TASP1: variants seen among roughly 807,000 people sequenced by gnomAD.
TASP1 encodes threonine aspartase 1.
In TASP1, 16 loss-of-function variants were observed where a neutral mutation model predicts 56.6. That is an observed-to-expected ratio of 0.28 (90% CI 0.19 to 0.43). The LOEUF (loss-of-function observed/expected upper bound fraction) is 0.43, where lower values mean the gene tolerates loss of function less well. Ranked by LOEUF, TASP1 falls within the 20% of genes least tolerant of loss-of-function variation. The pLI is 1.00. For synonymous variants in TASP1, 179 were observed against 184.2 expected, an observed-to-expected ratio of 0.97 and a Z score of 0.23; for missense variants, 393 against 511.6, an observed-to-expected ratio of 0.77 and a Z score of 2.24.
At chr20:13,412,054 A>G (rs906121623) in intron 13 of TASP1, among the ~76,000 whole-genome samples, 1 of 152,176 alleles carries the variant, frequency 6.6e-6, no homozygotes, top group African/African-American at 2.4e-5. Flanking sequence ...TTCTCTGGCC[A>G]CTGCCATGTA....
the TASP1 span, chr20:13,270,879 T>A: frequency 1.2e-6 from 1 of 806,044 alleles, no homozygotes; most frequent in Non-Finnish European, 2.0e-6. Flanking sequence ...GATCATGTTA[T>A]CTCCATAAGA....
At chr20:13,221,838 T>C in the TASP1 span, 1 of 1,452,376 alleles carries the variant, frequency 6.9e-7, no homozygotes, top group Non-Finnish European at 9.0e-7. Flanking sequence ...ACGCTGCACA[T>C]CACCGTGCTG....
chr20:13,555,949 A>T (rs557460212), intron 8 of TASP1, among the ~76,000 whole-genome samples: 1 of 152,318 alleles, frequency 6.6e-6, no homozygotes, highest in East Asian at 1.9e-4. Context: ...CAGATGGTAC[A>T]CCAAAAGGTA....
At chr20:13,348,368 T>C in the TASP1 span, among the ~76,000 whole-genome samples, 2 of 152,334 alleles carry the variant, frequency 1.3e-5, no homozygotes, top group East Asian at 3.9e-4. Flanking sequence ...TTGGTGACTG[T>C]TGATAAAGAA....
chr20:13,394,630 G>A (rs75749886), intron 13 of TASP1, among the ~76,000 whole-genome samples: 3 of 148,014 alleles, frequency 2.0e-5, no homozygotes, highest in Admixed American at 1.4e-4. Context: ...AAGAAACTTT[G>A]TTTTTTTTTT....
At chr20:13,516,007 T>C (rs774539391) in intron 10 of TASP1, among the ~76,000 whole-genome samples, 27 of 152,240 alleles carry the variant, frequency 1.8e-4, no homozygotes, top group South Asian at 2.1e-4. Flanking sequence ...CCAAACCCTA[T>C]TCCTAGCCAG....
chr20:13,393,244 C>G (rs2041361799), intron 13 of TASP1: 1 of 736,356 alleles, frequency 1.4e-6, no homozygotes, highest in Non-Finnish European at 2.5e-6. Context: ...GTGGATGGCC[C>G]CTCCGGGAAA....
At chr20:13,210,504 G>T in the TASP1 span, among the ~76,000 whole-genome samples, 2 of 152,016 alleles carry the variant, frequency 1.3e-5, no homozygotes, top group African/African-American at 4.8e-5. Flanking sequence ...TTTAATGGCC[G>T]TATGGTTTCA....
the TASP1 span, chr20:13,299,074 T>G: frequency 6.2e-7 from 1 of 1,613,764 alleles, no homozygotes; most frequent in Non-Finnish European, 8.5e-7. The surrounding 1 kb of genome is among the most constrained non-coding windows in gnomAD (Gnocchi z 5.8). Context: ...ACGGCCGACA[T>G]CTTCGACCGC....
At chr20:13,430,815 C>A (rs545197486) in intron 12 of TASP1, among the ~76,000 whole-genome samples, 1 of 152,288 alleles carries the variant, frequency 6.6e-6, no homozygotes, top group South Asian at 2.1e-4. Context: ...TTCTCCGATT[C>A]TATTCATGAA....
At chr20:13,349,239 C>A in the TASP1 span, among the ~76,000 whole-genome samples, 4 of 152,104 alleles carry the variant, frequency 2.6e-5, no homozygotes, top group African/African-American at 9.7e-5. Context: ...CCTCAGGAGG[C>A]CTCCGGACCA....
chr20:13,578,163 G>T (rs567995106), intron 6 of TASP1, among the ~76,000 whole-genome samples: 10 of 151,126 alleles, frequency 6.6e-5, no homozygotes, highest in African/African-American at 1.9e-4. Context: ...CACATTGTTG[G>T]TTTTTGTTAA....
chr20:13,281,434 C>A, the TASP1 span, among the ~76,000 whole-genome samples: 8 of 152,204 alleles, frequency 5.3e-5, no homozygotes, highest in Non-Finnish European at 1.2e-4. Context: ...TTAAATAGTA[C>A]TTACCATGCA....
intron 5 of TASP1, among the ~76,000 whole-genome samples, chr20:13,586,126 CT>C (rs2047294170): frequency 7.1e-6 from 1 of 140,232 alleles, no homozygotes; most frequent in Non-Finnish European, 1.5e-5. Context: ...CAGAATGAGA[CT>C]CCGCACCACT....
the TASP1 span, among the ~76,000 whole-genome samples, chr20:13,331,769 T>G: frequency 6.6e-6 from 1 of 152,130 alleles, no homozygotes; most frequent in Non-Finnish European, 1.5e-5. Flanking sequence ...TTTAAGTATT[T>G]TTTTAACTTT....
intron 11 of TASP1, among the ~76,000 whole-genome samples, chr20:13,469,727 A>C (rs919402452): frequency 8.7e-5 from 13 of 150,152 alleles, no homozygotes; most frequent in African/African-American, 3.2e-4. Flanking sequence ...TTTAGTGTTA[A>C]CTCAATATAA....
At chr20:13,514,056 T>G (rs1046467971) in intron 10 of TASP1, among the ~76,000 whole-genome samples, 3 of 152,112 alleles carry the variant, frequency 2.0e-5, no homozygotes, top group African/African-American at 7.2e-5. Context: ...AAGAAAGAAC[T>G]CAGGTGAAAC....
chr20:13,463,905 T>C (rs951713157), intron 11 of TASP1, among the ~76,000 whole-genome samples: 1 of 152,078 alleles, frequency 6.6e-6, no homozygotes, highest in Non-Finnish European at 1.5e-5. Context: ...CTGTTGGGAA[T>C]ATAAAATGTG....
rs547245783 is a variant in TASP1, at chr20:13,496,138, C to G, written c.875-12801G>C. Among the ~76,000 whole-genome samples, 5 of 152,252 alleles carry G rather than the reference C, an allele frequency of 3.3e-5. No individual in the cohort carries two copies. The South Asian group carries it at 1.0e-3, about 32-fold the overall frequency. On this transcript the variant is annotated intron_variant, in intron 10 of 13. Transcript: ENST00000337743. ...GTGCGATCTCAGCTCACTGCAACCT[C>G]TGCTTCCCGGGTTCAAGCCATTCTC...
Sources: gnomAD v4.1 joint callset for allele counts (sites outside exome capture counted in the v4.1 genomes callset) on GRCh38, gnomAD v4.1.1 for gene constraint, Gnocchi (gnomAD v3.1) non-coding constraint, MANE v1.5 for transcripts, NCBI Gene and HGNC (gene_info 2026-07-23, HGNC 2026-07-21) for gene names.